The following ATP2C1 variants were observed in gnomAD, a reference collection of about 807,000 sequenced individuals.
ATP2C1 encodes ATPase secretory pathway Ca2+ transporting 1.
In ATP2C1, 31 loss-of-function variants were observed where a neutral mutation model predicts 120.5. That is an observed-to-expected ratio of 0.26 (90% confidence interval 0.19 to 0.35). The LOEUF is 0.35. Among genes scored for constraint, ATP2C1 ranks in the 10% least tolerant of loss-of-function variants. The pLI is 1.00. For synonymous variants in ATP2C1, 351 were observed against 358.7 expected, an observed-to-expected ratio of 0.98 and a Z score of 0.24; for missense variants, 731 against 1,107.5, an observed-to-expected ratio of 0.66 and a Z score of 4.83.
rs1297154175 is a variant in ATP2C1 at position 130,862,542 on chromosome 3, GTTAA to G, written c.108+11617_108+11620del. Among the ~76,000 whole-genome samples, 4 of 152,174 alleles carry G rather than the reference GTTAA, an allele frequency of 2.6e-5. No individual in the cohort carries two copies. The East Asian group carries it at 7.7e-4, about 29-fold the overall frequency. On this transcript the variant is annotated intron_variant, in intron 1 of 26. Transcript: ENST00000504381. The stretch of plus-strand genomic sequence containing the variant: ...ATAATTCAGATACTCCCCTGACATA[GTTAA>G]TTGTTTTTCATTAGAGTCTAGAAAA...
At chr3:130,955,851 T>G (rs1015915783) in intron 10 of ATP2C1, 2 of 380,728 alleles carry the variant, frequency 5.3e-6, no homozygotes, top group African/African-American at 4.2e-5. Context: ...AAAGGAAGCA[T>G]AGAGAGAACG....
At chr3:130,902,915 T>A (rs2057933091) in intron 2 of ATP2C1, among the ~76,000 whole-genome samples, 1 of 152,104 alleles carries the variant, frequency 6.6e-6, no homozygotes, top group Admixed American at 6.6e-5. Flanking sequence ...CTTAGTGATC[T>A]ATTCCAGTCA....
At chr3:130,968,599 A>G (rs942227872) in intron 16 of ATP2C1, among the ~76,000 whole-genome samples, 1 of 152,138 alleles carries the variant, frequency 6.6e-6, no homozygotes, top group African/African-American at 2.4e-5. Flanking sequence ...ATGAAATGAA[A>G]CGTATTTGCA....
At chr3:130,999,697 G>C in intron 27 of ATP2C1, 38 bp downstream of exon 27, 2 of 1,546,312 alleles carry the variant, frequency 1.3e-6, no homozygotes, top group South Asian at 1.1e-5. Flanking sequence ...ATGTATTTTA[G>C]ATAAATCATA....
chr3:130,949,772 A>C (rs1394812161), intron 8 of ATP2C1, among the ~76,000 whole-genome samples: 1 of 152,152 alleles, frequency 6.6e-6, no homozygotes, highest in African/African-American at 2.4e-5. Flanking sequence ...TTAGTAAGTT[A>C]AATACATGAA....
chr3:130,925,314 G>A (rs1030837005), intron 2 of ATP2C1, among the ~76,000 whole-genome samples: 1 of 151,504 alleles, frequency 6.6e-6, no homozygotes, highest in Non-Finnish European at 1.5e-5. Context: ...GGGGCTTCCT[G>A]AGTGCCAAAC....
At chr3:130,927,582 G>C (rs1340649637) in intron 2 of ATP2C1, among the ~76,000 whole-genome samples, 1 of 152,084 alleles carries the variant, frequency 6.6e-6, no homozygotes, top group African/African-American at 2.4e-5. Flanking sequence ...TATTCCTTGG[G>C]GAAAGATGAA....
intron 8 of ATP2C1, among the ~76,000 whole-genome samples, chr3:130,947,770 TG>T (rs748793165): frequency 9.8e-5 from 15 of 152,306 alleles, no homozygotes; most frequent in Non-Finnish European, 1.5e-4. Context: ...TGCCCTTCTT[TG>T]TTTTTTTTCC....
At chr3:130,878,194 G>A (rs921431530) in intron 1 of ATP2C1, among the ~76,000 whole-genome samples, 1 of 151,276 alleles carries the variant, frequency 6.6e-6, no homozygotes, top group South Asian at 2.1e-4. Flanking sequence ...TGTAAATGAC[G>A]AGTTAATGGG....
intron 1 of ATP2C1, among the ~76,000 whole-genome samples, chr3:130,882,819 T>C (rs904272924): frequency 8.5e-5 from 13 of 152,208 alleles, no homozygotes; most frequent in Non-Finnish European, 1.8e-4. Context: ...AGATTTTTTT[T>C]TGATGTGTCT....
intron 1 of ATP2C1, among the ~76,000 whole-genome samples, chr3:130,886,305 C>T (rs2068970521): frequency 1.3e-5 from 2 of 151,946 alleles, no homozygotes; most frequent in Admixed American, 6.6e-5. Flanking sequence ...ATATTAAATA[C>T]CTTGGGGGTA....
At chr3:130,999,293 A>G (rs1445963855) in intron 26 of ATP2C1, among the ~76,000 whole-genome samples, 1 of 152,190 alleles carries the variant, frequency 6.6e-6, no homozygotes, top group Non-Finnish European at 1.5e-5. Flanking sequence ...TCACTTTTTA[A>G]GCAAGCCTTT....
intron 11 of ATP2C1, among the ~76,000 whole-genome samples, chr3:130,958,153 G>T (rs551502533): frequency 1.3e-5 from 2 of 152,048 alleles, no homozygotes; most frequent in Admixed American, 1.3e-4. Flanking sequence ...TACGATCTCT[G>T]GTTATATGTT....
In ATP2C1 at chr3:130,894,693, CCT is replaced by C. The variant is rs1559890460; in HGVS notation, c.-72_-71del. ...CTTCTCTTCCTTGTCCTCCTCCTCT[CCT>C]CTCTATTCCCAGTGTGGCCGTGGCT... On this transcript the variant is annotated 5_prime_UTR_variant, in exon 2 of 28. An upstream open reading frame in the 5' UTR loses its in-frame stop. Coordinates refer to ENST00000510168, the MANE Select transcript of ATP2C1 (RefSeq NM_001378687.1). The surrounding 1 kb of genome is among the most constrained non-coding windows in gnomAD (Gnocchi z 4.5). The C allele has an allele frequency of 3.1e-6, 5 of 1,613,834 alleles. No individual in the cohort carries two copies. Among genetic ancestry groups the C allele is most frequent in the South Asian group, 1.1e-5 (1 of 91,070 alleles).
At position 131,001,738 on chromosome 3, in the gene ATP2C1, T is replaced by C; in HGVS notation, c.*388T>C. ...TGTACTATTTATGGTGGTGGGGCTT[T>C]CTTACTAATACACAAATAAATTTAA... On this transcript the variant is annotated 3_prime_UTR_variant, in exon 28 of 28. Coordinates refer to ENST00000510168, the MANE Select transcript of ATP2C1 (RefSeq NM_001378687.1). The C allele has an allele frequency of 6.1e-6, 6 of 977,634 alleles. No homozygotes were observed. The highest frequency in any genetic ancestry group is 7.3e-6 in the Non-Finnish European group (6 of 822,326). 60.6% of individuals were successfully genotyped at this position (977,634 alleles called of 1,614,324 possible). A position where few individuals can be genotyped will look rare whatever the true frequency, so the allele number is the denominator to read the frequency against.
At chr3:130,912,547 A>T (rs1488381825) in intron 2 of ATP2C1, among the ~76,000 whole-genome samples, 4 of 144,690 alleles carry the variant, frequency 2.8e-5, no homozygotes, top group Non-Finnish European at 6.0e-5. Flanking sequence ...TCAAAACCAC[A>T]ATGAGATACC....
chr3:130,909,230 C>A (rs904737833), intron 2 of ATP2C1, among the ~76,000 whole-genome samples: 1 of 152,100 alleles, frequency 6.6e-6, no homozygotes, highest in African/African-American at 2.4e-5. Context: ...TTTTGCCAGA[C>A]CATTCCTAGA....
chr3:130,909,012 T>C (rs1477459798), intron 2 of ATP2C1, among the ~76,000 whole-genome samples: 2 of 152,206 alleles, frequency 1.3e-5, no homozygotes, highest in African/African-American at 4.8e-5. Flanking sequence ...TTTAAGAATA[T>C]TTAATTCTTT....
intron 2 of ATP2C1, among the ~76,000 whole-genome samples, chr3:130,913,856 C>T (rs1374635447): frequency 6.6e-6 from 1 of 152,156 alleles, no homozygotes; most frequent in Non-Finnish European, 1.5e-5. Context: ...GGTTCCTGGC[C>T]ATATCACTTA....
Sources: gnomAD v4.1 joint callset for allele counts (sites outside exome capture counted in the v4.1 genomes callset) on GRCh38, gnomAD v4.1.1 for gene constraint, Gnocchi (gnomAD v3.1) non-coding constraint, MANE v1.5 for transcripts, NCBI Gene and HGNC (gene_info 2026-07-23, HGNC 2026-07-21) for gene names.